Variants in PRPSAP1 observed in about 807,000 individuals in gnomAD.
PRPSAP1 encodes phosphoribosyl pyrophosphate synthetase associated protein 1.
In PRPSAP1, 31 loss-of-function variants were observed where a neutral mutation model predicts 39.4. That is an observed-to-expected ratio of 0.79 (90% CI 0.59 to 1.06). The LOEUF (loss-of-function observed/expected upper bound fraction) is 1.06, where lower values mean the gene tolerates loss of function less well. Ranked by LOEUF, PRPSAP1 falls within the 50% of genes least tolerant of loss-of-function variation. The probability of loss-of-function intolerance (pLI) is 0.00; values close to 1 mark genes in which losing one functional copy is unlikely to be tolerated. For synonymous variants in PRPSAP1, 212 were observed against 192.6 expected (o/e 1.10, Z -0.83); for missense variants, 430 against 511.6 (o/e 0.84, Z 1.54).
rs1293693076 is a variant in PRPSAP1, at chr17:76,309,638, C to G, written c.*1904G>C. 6.6e-6 allele frequency: 1 copy of G among 152,230 alleles called. No individual in the cohort carries two copies. The allele number at this position is 152,230 out of a possible 1,614,324, so 9.4% of individuals were successfully genotyped here. A position where few individuals can be genotyped will look rare whatever the true frequency, so the allele number is the denominator to read the frequency against. ...TTAACCAACCACGACTGAACACGTA[C>G]AGATTCCTGTCATGATTCTCTAAAT... On this transcript the variant is annotated 3_prime_UTR_variant, in exon 10 of 10. Transcript: ENST00000446526.
chr17:76,334,466 T>C (rs1015766598), intron 3 of PRPSAP1, among the ~76,000 whole-genome samples: 2 of 152,238 alleles, frequency 1.3e-5, no homozygotes, highest in Non-Finnish European at 2.9e-5. Flanking sequence ...AATTTATGTT[T>C]ACACTTCTCT....
At position 76,339,917 on chromosome 17, in the gene PRPSAP1, A is replaced by C. The variant is rs552299646; in HGVS notation, c.290+4754T>G. On this transcript the variant is annotated intron_variant, in intron 3 of 9. Transcript: ENST00000446526. Reference sequence around the variant, plus strand: ...GAGGCCGGGGCAAGCAGATCAGCTGAGCTCAGGAGTTCAAGACCAGCCTGG... The same window carrying C: ...GAGGCCGGGGCAAGCAGATCAGCTGCGCTCAGGAGTTCAAGACCAGCCTGG... Among the ~76,000 whole-genome samples, 3 of 151,720 alleles carry C rather than the reference A, an allele frequency of 2.0e-5. No homozygotes were observed. In the East Asian group the frequency reaches 5.8e-4, roughly 29 times the overall value.
upstream of PRPSAP1, chr17:76,354,120 G>A (rs1358361333): frequency 4.0e-6 from 4 of 1,009,650 alleles, no homozygotes; most frequent in African/African-American, 3.5e-5. Context: ...AGCCTACCTC[G>A]GTAGTGGCCC....
At chr17:76,324,684 T>A (rs1418493459) in intron 7 of PRPSAP1, among the ~76,000 whole-genome samples, 1 of 151,798 alleles carries the variant, frequency 6.6e-6, no homozygotes, top group Non-Finnish European at 1.5e-5. Flanking sequence ...CGAGGCAAAC[T>A]TCGTTGTTTT....
intron 3 of PRPSAP1, among the ~76,000 whole-genome samples, chr17:76,337,924 G>A (rs1032679756): frequency 1.3e-5 from 2 of 152,000 alleles, no homozygotes; most frequent in African/African-American, 4.8e-5. Context: ...ATTTTAATGA[G>A]TCTGCTTACT....
rs533391952 is a variant in PRPSAP1 at position 76,353,659 on chromosome 17, C to G, written c.45G>C (p.Ser15=). ...LLLLPPPSAS[S]AFRVPRARPV... is the part of the protein sequence containing the mutation. The stretch of plus-strand genomic sequence containing the variant: ...GGCGGGCGCGCGGGACGCGGAAAGC[C>G]GAGGACGCGGAGGGCGGGGGCAACA... The change falls in exon 1 of 10, where the codon TCG becomes TCC. Residue 15 remains serine (S), a synonymous_variant. Transcript: ENST00000446526. 5.2e-6 allele frequency: 8 copies of G among 1,528,160 alleles called. No individual in the cohort carries two copies. Among genetic ancestry groups the G allele is most frequent in the Non-Finnish European group, 7.0e-6 (8 of 1,142,870 alleles). The allele number at this position is 1,528,160 out of a possible 1,614,324, so 94.7% of individuals were successfully genotyped here. A position where few individuals can be genotyped will look rare whatever the true frequency, so the allele number is the denominator to read the frequency against.
intron 3 of PRPSAP1, among the ~76,000 whole-genome samples, chr17:76,338,807 A>C (rs1040622034): frequency 2.6e-5 from 4 of 151,418 alleles, no homozygotes; most frequent in Admixed American, 6.6e-5. Context: ...GCCGAGGTGG[A>C]TGGATCACCT....
At chr17:76,329,010 G>C in intron 6 of PRPSAP1, 148 bp from the exon 7 acceptor site, 1 of 945,020 alleles carries the variant, frequency 1.1e-6, no homozygotes, top group Non-Finnish European at 1.5e-6. Flanking sequence ...TGAGGCCCAG[G>C]CCAGCATGTA....
chr17:76,316,276 A>C (rs1199099400), intron 7 of PRPSAP1, among the ~76,000 whole-genome samples: 1 of 151,856 alleles, frequency 6.6e-6, no homozygotes, highest in South Asian at 2.1e-4. Flanking sequence ...GGAAAACATC[A>C]CAGTATATTT....
chr17:76,329,152 C>T (rs1007000658), intron 6 of PRPSAP1, among the ~76,000 whole-genome samples: 1 of 151,896 alleles, frequency 6.6e-6, no homozygotes, highest in African/African-American at 2.4e-5. Flanking sequence ...TCACTGCAGC[C>T]TCAACCTCCT....
At position 76,330,071 on chromosome 17, in the gene PRPSAP1, C is replaced by T. The variant is rs1598527567; in HGVS notation, c.607G>A (p.Val203Ile). ...EIPNYRNAVI[V>I]AKSPDAAKRA... is the part of the protein sequence containing the mutation. ...TTTGCAGCATCAGGAGACTTAGCTA[C>T]AATGACTGCATTTCTGTAATTTGGA... Residue 203 changes from valine (V) to isoleucine (I), a missense_variant, in exon 6 of 10, where the codon GTA becomes ATA. Physicochemically the swap from Val to Ile is conservative, Grantham distance 29. Transcript: ENST00000446526. 1 of 1,613,596 alleles carries T rather than the reference C, an allele frequency of 6.2e-7. No homozygotes were observed. Among genetic ancestry groups the T allele is most frequent in the Non-Finnish European group, 8.5e-7 (1 of 1,179,570 alleles).
intron 8 of PRPSAP1, chr17:76,313,223 G>A (rs1229709015): frequency 1.4e-5 from 7 of 495,972 alleles, no homozygotes; most frequent in East Asian, 3.5e-5. Context: ...AGAGGCGGGC[G>A]CAGTCAAGCA....
intron 3 of PRPSAP1, among the ~76,000 whole-genome samples, chr17:76,342,282 G>T (rs890675076): frequency 1.3e-5 from 2 of 152,168 alleles, no homozygotes; most frequent in Admixed American, 6.5e-5. Context: ...GCAGCAGGAA[G>T]ACAAGACAAC....
intron 7 of PRPSAP1, among the ~76,000 whole-genome samples, chr17:76,328,316 G>A (rs924733220): frequency 2.6e-5 from 4 of 152,188 alleles, no homozygotes; most frequent in Admixed American, 2.0e-4. Flanking sequence ...TCAGGGCCAG[G>A]TGCAGTGGCT....
intron 3 of PRPSAP1, 68 bp from the exon 4 acceptor site, chr17:76,332,503 T>C (rs2071333614): frequency 5.7e-6 from 9 of 1,565,890 alleles, no homozygotes; most frequent in South Asian, 1.2e-5. Context: ...ATCTTGACTT[T>C]ATCAACTTAA....
At chr17:76,348,270 T>G (rs1176654605) in intron 2 of PRPSAP1, among the ~76,000 whole-genome samples, 1 of 151,824 alleles carries the variant, frequency 6.6e-6, no homozygotes, top group Non-Finnish European at 1.5e-5. Context: ...GTCAGGAGTT[T>G]GAGACCAGCC....
At chr17:76,333,337 C>T (rs1374778829) in intron 3 of PRPSAP1, among the ~76,000 whole-genome samples, 3 of 152,066 alleles carry the variant, frequency 2.0e-5, no homozygotes, top group East Asian at 1.9e-4. Context: ...CTCGAACTCC[C>T]GACCTTAGGT....
rs755375884 is a variant in PRPSAP1, at chr17:76,353,628, G to A, written c.76C>T (p.Pro26Ser). 1.9e-6 allele frequency: 3 copies of A among 1,547,654 alleles called. No homozygotes were observed. Among genetic ancestry groups the A allele is most frequent in the South Asian group, 1.2e-5 (1 of 84,374 alleles). Residue 26 changes from proline (P) to serine (S), a missense_variant, in exon 1 of 10, where the codon CCC becomes TCC. Transcript: ENST00000446526. ...AFRVPRARPV[P>S]PPAMNAARTG... ...CGAGCGGCGTTCATGGCCGGCGGGGGAACGGGGCGGGCGCGCGGGACGCGG... is the reference window on the plus strand; with the variant it reads ...CGAGCGGCGTTCATGGCCGGCGGGGAAACGGGGCGGGCGCGCGGGACGCGG...
chr17:76,316,966 A>T (rs1598517219), intron 7 of PRPSAP1, among the ~76,000 whole-genome samples: 4 of 151,948 alleles, frequency 2.6e-5, no homozygotes, highest in Non-Finnish European at 4.4e-5. Flanking sequence ...TGCTAAAGTA[A>T]ACAGCAAAAA....
Sources: allele counts gnomAD v4.1 joint callset (sites outside exome capture counted in the v4.1 genomes callset), GRCh38; gene constraint gnomAD v4.1.1; transcripts MANE v1.5; gene names NCBI Gene and HGNC (gene_info 2026-07-23, HGNC 2026-07-21).